Variants in TECPR2 observed in about 807,000 individuals in gnomAD.
The protein encoded by TECPR2 is tectonin beta-propeller repeat-containing protein 2.
Under a neutral mutation model 138.1 loss-of-function variants are expected in TECPR2, and 65 were observed. That is an observed-to-expected ratio of 0.47 (90% CI 0.39 to 0.58). The LOEUF is 0.58. Among genes scored for constraint, TECPR2 ranks in the 20% least tolerant of loss-of-function variants. The probability of loss-of-function intolerance (pLI) is 0.00; values close to 1 mark genes in which losing one functional copy is unlikely to be tolerated. For missense variants in TECPR2, 1,553 were observed against 1,824.5 expected (o/e 0.85, Z 2.71); for synonymous variants, 746 against 749.8 (o/e 0.99, Z 0.08).
chr14:102,435,341 T>C, intron 9 of TECPR2, 130 bp downstream of exon 9: 1 of 1,339,730 alleles, frequency 7.5e-7, no homozygotes, highest in Non-Finnish European at 9.9e-7. Context: ...AGGCCAACTC[T>C]GTTTTCAAGT....
chr14:102,435,255 C>A, intron 9 of TECPR2, 44 bp downstream of exon 9: 1 of 1,544,674 alleles, frequency 6.5e-7, no homozygotes, highest in Middle Eastern at 2.2e-4. Flanking sequence ...AGGCTTCTTT[C>A]TTAAGGGTAA....
At position 102,438,043 on chromosome 14, in the gene TECPR2, T is replaced by C; in HGVS notation, c.2416T>C (p.Tyr806His). ...PDQFAESWMG[Y>H]SGPGYGILSL... is the part of the protein sequence containing the mutation. ...TTAGTTTGCAGAAAGCTGGATGGGC[T>C]ACTCGGGTCCCGGCTATGGCATCCT... Residue 806 changes from tyrosine to histidine, a missense_variant, in exon 10 of 20, where the codon TAC becomes CAC. Coordinates refer to ENST00000359520, the MANE Select transcript of TECPR2 (RefSeq NM_014844.5). 6.2e-7 allele frequency: 1 copy of C among 1,614,080 alleles called. No individual in the cohort carries two copies. Among genetic ancestry groups the C allele is most frequent in the Non-Finnish European group, 8.5e-7 (1 of 1,179,990 alleles).
intron 1 of TECPR2, among the ~76,000 whole-genome samples, chr14:102,369,192 C>T (rs1042755438): frequency 6.6e-6 from 1 of 152,078 alleles, no homozygotes; most frequent in Non-Finnish European, 1.5e-5. Flanking sequence ...GAATAGTGCA[C>T]TTGCTCTGCA....
At chr14:102,463,109 G>A (rs898388631) in intron 16 of TECPR2, among the ~76,000 whole-genome samples, 1 of 152,200 alleles carries the variant, frequency 6.6e-6, no homozygotes, top group Non-Finnish European at 1.5e-5. Context: ...CTCCATTGGG[G>A]AAACTGGCGG....
Position 102,488,850 on chromosome 14 carries a change from A to G in TECPR2, c.3790-8129A>G, listed in dbSNP as rs1488241682. On this transcript the variant is annotated intron_variant, in intron 17 of 19. Coordinates refer to ENST00000359520, the MANE Select transcript of TECPR2 (RefSeq NM_014844.5). ...TGACAGTACATTTGCAATGTTGTGC[A>G]ACCATTGTCACTATATAGTTCCAGA... Among the ~76,000 whole-genome samples, 4 of 152,080 alleles carry G rather than the reference A, an allele frequency of 2.6e-5. No individual in the cohort carries two copies. The East Asian group carries it at 5.8e-4, about 22-fold the overall frequency.
chr14:102,478,317 G>A lies in TECPR2; in HGVS notation c.3789+13028G>A, dbSNP rs1890812512. On this transcript the variant is annotated intron_variant, in intron 17 of 19. Coordinates refer to ENST00000359520, the MANE Select transcript of TECPR2 (RefSeq NM_014844.5). Reference sequence around the variant, plus strand: ...TCCCACCTTAGCCTCCCAAAGTACTGGGATTACAGATGTGAGCCACCATGT... The same window carrying A: ...TCCCACCTTAGCCTCCCAAAGTACTAGGATTACAGATGTGAGCCACCATGT... Among the ~76,000 whole-genome samples, 2 of 152,158 alleles carry A rather than the reference G, an allele frequency of 1.3e-5. 1 individual carries two copies. The highest frequency in any genetic ancestry group is 6.8e-3 in the Middle Eastern group (2 of 294).
intron 16 of TECPR2, among the ~76,000 whole-genome samples, chr14:102,453,941 G>A (rs1337053008): frequency 6.6e-6 from 1 of 152,064 alleles, no homozygotes; most frequent in African/African-American, 2.4e-5. Flanking sequence ...CTGAGGTCAG[G>A]AGTTCAAGAC....
At chr14:102,376,584 A>G (rs887521873) in intron 1 of TECPR2, 66 bp from the exon 2 acceptor site, 2 of 720,460 alleles carry the variant, frequency 2.8e-6, no homozygotes, top group Admixed American at 2.6e-5. Context: ...CCATGTTGCC[A>G]GTATTAAACA....
chr14:102,492,883 A>C (rs1327051766), intron 17 of TECPR2, among the ~76,000 whole-genome samples: 4 of 152,238 alleles, frequency 2.6e-5, no homozygotes, highest in Non-Finnish European at 5.9e-5. Flanking sequence ...GGAGGCTCAC[A>C]TTAGGAGGCA....
intron 1 of TECPR2, among the ~76,000 whole-genome samples, chr14:102,370,093 CAG>C (rs1164611292): frequency 6.6e-6 from 1 of 150,894 alleles, no homozygotes; most frequent in African/African-American, 2.4e-5. Flanking sequence ...TTTTTTGAGA[CAG>C]AGTTTCGCTC....
chr14:102,412,800 G>A (rs1009052877), intron 4 of TECPR2, among the ~76,000 whole-genome samples: 16 of 152,112 alleles, frequency 1.1e-4, no homozygotes, highest in African/African-American at 3.9e-4. Context: ...GAATACAAAA[G>A]TACCTATCCT....
chr14:102,496,736 C>CTGGA (rs1689151887), intron 17 of TECPR2: 2 of 552,906 alleles, frequency 3.6e-6, no homozygotes, highest in African/African-American at 3.8e-5. Flanking sequence ...TGGCCTCCTG[C>CTGGA]TGGAGTCCAT....
chr14:102,434,350 C>A lies in TECPR2; in HGVS notation c.1533C>A (p.Val511=), dbSNP rs1445810398. The A allele has an allele frequency of 6.7e-7, 1 of 1,503,298 alleles. No homozygotes were observed. Among genetic ancestry groups the A allele is most frequent in the South Asian group, 1.4e-5 (1 of 69,810 alleles). 93.1% of individuals were successfully genotyped at this position (1,503,298 alleles called of 1,614,324 possible). ...NTDLLSMTSS[V]LGSSVDQLSA... ...ACTTGCTGTCGATGACCTCAAGTGT[C>A]CTGGGCAGTAGCGTGGATCAGTTAA... The change falls in exon 9 of 20, where the codon GTC becomes GTA. Residue 511 remains valine, a synonymous_variant. Coordinates refer to ENST00000359520, the MANE Select transcript of TECPR2 (RefSeq NM_014844.5).
At chr14:102,428,722 A>C (rs1337289232) in intron 7 of TECPR2, among the ~76,000 whole-genome samples, 1 of 152,216 alleles carries the variant, frequency 6.6e-6, no homozygotes, top group African/African-American at 2.4e-5. Flanking sequence ...AGATTGCACC[A>C]CTGCACTCCA....
In TECPR2 at chr14:102,443,901, G is replaced by T; in HGVS notation, c.2933+74G>T. ...CGTTCTTGTCCACTTGACACCACAA[G>T]GCACCATGAGGCCGTTCCTGGGAGG... is the stretch of plus-strand genomic sequence containing the variant. On this transcript the variant is annotated intron_variant, in intron 12 of 19. Transcript: ENST00000359520. The surrounding 1 kb of genome is among the most constrained non-coding windows in gnomAD (Gnocchi z 4.9). The T allele has an allele frequency of 7.2e-7, 1 of 1,385,022 alleles. No homozygotes were observed. The allele number at this position is 1,385,022 out of a possible 1,614,324, so 85.8% of individuals were successfully genotyped here. A position where few individuals can be genotyped will look rare whatever the true frequency, so the allele number is the denominator to read the frequency against.
rs186595127 is a variant in TECPR2, at chr14:102,434,423, G to T, written c.1606G>T (p.Gly536Cys). The T allele has an allele frequency of 6.5e-6, 10 of 1,530,506 alleles. No individual in the cohort carries two copies. The highest frequency in any genetic ancestry group is 1.3e-5 in the South Asian group (1 of 77,052). The allele number at this position is 1,530,506 out of a possible 1,614,324, so 94.8% of individuals were successfully genotyped here. Residue 536 changes from glycine to cysteine, a missense_variant, in exon 9 of 20, where the codon GGT becomes TGT. By Grantham distance (159) the Gly-to-Cys change is radical. Transcript: ENST00000359520. ...AAGCAGCTTCAATGGTGAAGTGAAC[G>T]GTGTCCCACAGGAAAATACTGACCC... ...QESSFNGEVN[G>C]VPQENTDPET...
At chr14:102,437,462 G>A (rs919415432) in intron 9 of TECPR2, among the ~76,000 whole-genome samples, 2 of 152,040 alleles carry the variant, frequency 1.3e-5, no homozygotes, top group East Asian at 1.9e-4. Context: ...CAGGAGAATT[G>A]CGACTTGCTT....
At chr14:102,366,806 A>G (rs1391538556) in intron 1 of TECPR2, among the ~76,000 whole-genome samples, 2 of 152,230 alleles carry the variant, frequency 1.3e-5, no homozygotes, top group Non-Finnish European at 2.9e-5. Flanking sequence ...TGTAGGAGAG[A>G]TGATTTTTAA....
intron 13 of TECPR2, among the ~76,000 whole-genome samples, chr14:102,446,628 G>A (rs1297723136): frequency 6.6e-6 from 1 of 151,968 alleles, no homozygotes; most frequent in Admixed American, 6.6e-5. Context: ...GAGAGAGAGA[G>A]AAATCCACCC....
Sources: allele counts gnomAD v4.1 joint callset (sites outside exome capture counted in the v4.1 genomes callset), GRCh38; gene constraint gnomAD v4.1.1; non-coding constraint Gnocchi (gnomAD v3.1); transcripts MANE v1.5; gene names NCBI Gene and HGNC (gene_info 2026-07-23, HGNC 2026-07-21).